Variants in DST observed in about 807,000 individuals in gnomAD.
DST encodes bullous pemphigoid antigen.
In DST, 253 loss-of-function variants were observed where a neutral mutation model predicts 875.2. That is an observed-to-expected ratio of 0.29 (90% CI 0.26 to 0.32). The LOEUF is 0.32. Among genes scored for constraint, DST ranks in the 10% least tolerant of loss-of-function variants. The probability of loss-of-function intolerance (pLI) is 1.00; values close to 1 mark genes in which losing one functional copy is unlikely to be tolerated. For missense variants in DST, 8,287 were observed against 9,111.6 expected (o/e 0.91, Z 3.68); for synonymous variants, 3,124 against 3,197.1 (o/e 0.98, Z 0.77).
intron 79 of DST, 31 bp downstream of exon 79, chr6:56,501,489 A>G (rs2096123675): frequency 1.4e-6 from 2 of 1,430,108 alleles, no homozygotes; most frequent in Non-Finnish European, 1.9e-6. Flanking sequence ...TTGAAAATTT[A>G]TAATTTCTTA....
Position 56,572,178 on chromosome 6 carries a change from C to T in DST, c.13643G>A (p.Ser4548Asn). The change falls in exon 53 of 104, where the codon AGT becomes AAT. Residue 4548 changes from serine (S) to asparagine (N), a missense_variant. Coordinates refer to ENST00000680361, the MANE Select transcript of DST (RefSeq NM_001374736.1). ...LKEISSHGLPSDKALVLEKTN... is the reference protein window; with the variant it reads ...LKEISSHGLPNDKALVLEKTN... ...TTTTTCAAGGACCAAAGCCTTATCA[C>T]TTGGTAAGCCATGGCTGGATATCTC... is the stretch of plus-strand genomic sequence containing the variant. The T allele has an allele frequency of 3.2e-6, 5 of 1,557,540 alleles. No individual in the cohort carries two copies. The highest frequency in any genetic ancestry group is 2.6e-6 in the Non-Finnish European group (3 of 1,150,464).
intron 3 of DST, among the ~76,000 whole-genome samples, chr6:56,897,313 G>C (rs887279092): frequency 6.2e-5 from 9 of 144,060 alleles, no homozygotes; most frequent in Non-Finnish European, 9.0e-5. Context: ...TTTGGGGGGG[G>C]GGTTGTTTTT....
At chr6:56,883,654 T>G (rs2127642030) in intron 3 of DST, among the ~76,000 whole-genome samples, 1 of 152,276 alleles carries the variant, frequency 6.6e-6, no homozygotes, top group Admixed American at 6.5e-5. Flanking sequence ...TATGGAAAAT[T>G]TTATGCTTAT....
At chr6:56,501,930 ACATTT>A (rs1369524287) in intron 78 of DST, among the ~76,000 whole-genome samples, 7 of 152,126 alleles carry the variant, frequency 4.6e-5, no homozygotes, top group Admixed American at 2.0e-4. Flanking sequence ...TATAATTTTG[ACATTT>A]CATTTCATTT....
chr6:56,932,707 A>AT (rs1169417012), intron 2 of DST, among the ~76,000 whole-genome samples: 1 of 152,036 alleles, frequency 6.6e-6, no homozygotes, highest in East Asian at 1.9e-4. Context: ...AAGGCTATGG[A>AT]TACAAGATAA....
intron 2 of DST, among the ~76,000 whole-genome samples, chr6:56,943,155 C>A (rs930376596): frequency 6.6e-6 from 1 of 152,160 alleles, no homozygotes; most frequent in Non-Finnish European, 1.5e-5. Context: ...AAAATTGCCT[C>A]AAATCTTTCC....
At chr6:56,692,994 C>G in intron 9 of DST, 1 of 1,289,758 alleles carries the variant, frequency 7.8e-7, no homozygotes, top group Non-Finnish European at 1.0e-6. Flanking sequence ...CATTGTTTGC[C>G]CCAACTGACT....
At chr6:56,648,460 G>T in intron 13 of DST, 110 bp downstream of exon 13, 3 of 1,068,618 alleles carry the variant, frequency 2.8e-6, no homozygotes, top group Non-Finnish European at 2.6e-6. Context: ...CTTATTAATG[G>T]CTTTCCAAGG....
intron 5 of DST, among the ~76,000 whole-genome samples, chr6:56,718,030 G>C (rs1245462964): frequency 6.6e-6 from 1 of 152,148 alleles, no homozygotes; most frequent in African/African-American, 2.4e-5. Flanking sequence ...AAAATTGTTT[G>C]AGACGAGTTT....
intron 97 of DST, among the ~76,000 whole-genome samples, chr6:56,469,395 T>C (rs534428411): frequency 1.3e-5 from 2 of 152,168 alleles, no homozygotes; most frequent in Non-Finnish European, 2.9e-5. Flanking sequence ...GTCACACTGT[T>C]CTTCTGTTTT....
intron 11 of DST, 32 bp from the exon 12 acceptor site, chr6:56,651,064 C>T (rs1310004561): frequency 6.3e-7 from 1 of 1,588,076 alleles, no homozygotes; most frequent in African/African-American, 1.3e-5. Flanking sequence ...AATTATTTCA[C>T]AATGTTGATA....
At chr6:56,880,531 T>C (rs1227196082) in intron 3 of DST, among the ~76,000 whole-genome samples, 2 of 151,770 alleles carry the variant, frequency 1.3e-5, no homozygotes, top group Non-Finnish European at 2.9e-5. Context: ...CTACTAAAAA[T>C]ACAAAAATTA....
intron 4 of DST, among the ~76,000 whole-genome samples, chr6:56,802,250 C>T (rs2099748007): frequency 6.6e-6 from 1 of 151,918 alleles, no homozygotes; most frequent in East Asian, 1.9e-4. Flanking sequence ...TATAAACAAT[C>T]AAAATTATAT....
intron 58 of DST, among the ~76,000 whole-genome samples, chr6:56,558,625 T>TA (rs1016079073): frequency 2.2e-4 from 33 of 151,952 alleles, no homozygotes; most frequent in African/African-American, 2.7e-4. Flanking sequence ...ACAATTTCCC[T>TA]AAAAAAAATG....
chr6:56,633,697 T>C (rs2098802728), intron 27 of DST, among the ~76,000 whole-genome samples: 1 of 151,466 alleles, frequency 6.6e-6, no homozygotes, highest in Non-Finnish European at 1.5e-5. Flanking sequence ...ACAGGGTTTC[T>C]CCACGTTGGT....
At chr6:56,913,551 C>G (rs957477315) in intron 2 of DST, among the ~76,000 whole-genome samples, 1 of 152,204 alleles carries the variant, frequency 6.6e-6, no homozygotes, top group Non-Finnish European at 1.5e-5. Flanking sequence ...GTAGCTGCAA[C>G]AGAGATCATA....
At chr6:56,915,241 T>C (rs939674941) in intron 2 of DST, among the ~76,000 whole-genome samples, 1 of 152,218 alleles carries the variant, frequency 6.6e-6, no homozygotes, top group African/African-American at 2.4e-5. Context: ...TAAAAATATG[T>C]ATATCTAAGA....
intron 2 of DST, among the ~76,000 whole-genome samples, chr6:56,902,197 G>A (rs1794437323): frequency 6.6e-6 from 1 of 152,154 alleles, no homozygotes; most frequent in African/African-American, 2.4e-5. Context: ...CTGGTATGAG[G>A]GTACAAGCTA....
chr6:56,540,626 G>A (rs1169066961), intron 61 of DST: 3 of 152,550 alleles, frequency 2.0e-5, no homozygotes, highest in African/African-American at 4.8e-5. Context: ...AGGTCCGTAT[G>A]TTTCGTCCTC....
Sources: gnomAD v4.1 joint callset for allele counts (sites outside exome capture counted in the v4.1 genomes callset) on GRCh38, gnomAD v4.1.1 for gene constraint, MANE v1.5 for transcripts, NCBI Gene and HGNC (gene_info 2026-07-23, HGNC 2026-07-21) for gene names.